The following BMPER variants were observed in gnomAD, a reference collection of about 807,000 sequenced individuals.
BMPER encodes the protein BMP-binding endothelial regulator protein.
A neutral mutation model predicts 87.3 loss-of-function variants in BMPER; 45 were observed. That is an observed-to-expected ratio of 0.52 (90% CI 0.41 to 0.66). BMPER has a LOEUF of 0.66. BMPER is among the 30% of genes least tolerant of loss of function. The probability of loss-of-function intolerance (pLI) is 0.00; values close to 1 mark genes in which losing one functional copy is unlikely to be tolerated. For missense variants in BMPER, 784 were observed against 867.5 expected (o/e 0.90, Z 1.21); for synonymous variants, 326 against 316.2 (o/e 1.03, Z -0.33).
intron 6 of BMPER, among the ~76,000 whole-genome samples, chr7:33,989,287 G>A (rs1304577669): frequency 6.7e-6 from 1 of 148,354 alleles, no homozygotes; most frequent in African/African-American, 2.5e-5. Flanking sequence ...GTTGTTTCCT[G>A]ACTTTTTAAT....
intron 3 of BMPER, among the ~76,000 whole-genome samples, chr7:33,962,371 C>T (rs530378220): frequency 3.7e-4 from 56 of 152,240 alleles, no homozygotes; most frequent in African/African-American, 1.3e-3. Context: ...GGTTTAGGCT[C>T]ATTGTTGTAT....
chr7:34,064,055 C>T (rs1159190299), intron 11 of BMPER, among the ~76,000 whole-genome samples: 1 of 152,216 alleles, frequency 6.6e-6, no homozygotes, highest in Non-Finnish European at 1.5e-5. Context: ...AATCGGGAGG[C>T]CGAGGAGGGC....
intron 3 of BMPER, among the ~76,000 whole-genome samples, chr7:33,949,948 C>A (rs1395750642): frequency 6.6e-6 from 1 of 152,062 alleles, no homozygotes; most frequent in Admixed American, 6.5e-5. Context: ...ACCTTGTTAA[C>A]ATTAAAATCA....
intron 7 of BMPER, among the ~76,000 whole-genome samples, chr7:34,051,184 T>C (rs1562711380): frequency 6.6e-6 from 1 of 152,172 alleles, no homozygotes; most frequent in African/African-American, 2.4e-5. Flanking sequence ...TCATGAGAGC[T>C]TTGCTCTCCT....
intron 6 of BMPER, among the ~76,000 whole-genome samples, chr7:34,026,911 C>G (rs1167586724): frequency 1.3e-5 from 2 of 152,056 alleles, no homozygotes; most frequent in African/African-American, 4.8e-5. Context: ...TTTGATGGCC[C>G]ATATTTGGCT....
At chr7:34,039,603 TACACACACACACACACAC>T (rs56214614) in intron 6 of BMPER, among the ~76,000 whole-genome samples, 6 of 142,688 alleles carry the variant, frequency 4.2e-5, no homozygotes, top group South Asian at 4.6e-4. Flanking sequence ...GACACACAAA[TACACACACACACACACAC>T]ACACACACAC....
At chr7:34,080,691 AG>A (rs2127974785) in intron 12 of BMPER, among the ~76,000 whole-genome samples, 1 of 152,334 alleles carries the variant, frequency 6.6e-6, no homozygotes, top group Non-Finnish European at 1.5e-5. Flanking sequence ...ACTAATTAAA[AG>A]CACCTTGACT....
intron 6 of BMPER, among the ~76,000 whole-genome samples, chr7:34,024,174 A>G (rs2127947332): frequency 6.6e-6 from 1 of 150,800 alleles, no homozygotes; most frequent in East Asian, 2.0e-4. Flanking sequence ...TCTGATCAAC[A>G]TGGTGAAACC....
At chr7:34,101,148 A>G (rs1789671547) in intron 13 of BMPER, among the ~76,000 whole-genome samples, 1 of 152,194 alleles carries the variant, frequency 6.6e-6, no homozygotes, top group African/African-American at 2.4e-5. Context: ...GTTTAGTCCA[A>G]ATGCTTCCAC....
intron 6 of BMPER, among the ~76,000 whole-genome samples, chr7:33,991,792 G>A (rs375454334): frequency 0.015 from 2,232 of 147,262 alleles, 49 homozygotes; most frequent in African/African-American, 0.05. Context: ...CTTTGAATGC[G>A]TCCCAGAGAT....
chr7:34,134,492 A>T (rs1790670910), intron 13 of BMPER, among the ~76,000 whole-genome samples: 1 of 152,100 alleles, frequency 6.6e-6, no homozygotes, highest in Non-Finnish European at 1.5e-5. Context: ...TTATCTCTAG[A>T]AGAGTGACAA....
intron 6 of BMPER, among the ~76,000 whole-genome samples, chr7:34,003,746 A>G (rs964093366): frequency 2.0e-5 from 3 of 152,052 alleles, no homozygotes; most frequent in Non-Finnish European, 2.9e-5. Flanking sequence ...CAGTTTGAAT[A>G]TGTTCTGTCC....
chr7:34,096,881 T>C (rs1585830381), intron 13 of BMPER, among the ~76,000 whole-genome samples: 4 of 152,272 alleles, frequency 2.6e-5, no homozygotes, highest in Admixed American at 2.0e-4. Flanking sequence ...AAAAAGAGCA[T>C]AGATTCTTTT....
chr7:34,031,909 TATATATATATATATATATACACACAC>T (rs1787527907), intron 6 of BMPER, among the ~76,000 whole-genome samples: 1 of 125,294 alleles, frequency 8.0e-6, no homozygotes, highest in African/African-American at 3.1e-5. Flanking sequence ...TATATATATA[TATATATATATATATATATACACACAC>T]ACACACACAT....
chr7:34,092,427 C>T (rs1789411868), intron 13 of BMPER, among the ~76,000 whole-genome samples: 1 of 152,222 alleles, frequency 6.6e-6, no homozygotes, highest in Non-Finnish European at 1.5e-5. Context: ...CCCTGACTCT[C>T]TCAGTTTGCC....
intron 2 of BMPER, among the ~76,000 whole-genome samples, chr7:33,935,300 G>T (rs1004704323): frequency 3.9e-5 from 6 of 152,036 alleles, no homozygotes; most frequent in African/African-American, 1.5e-4. Context: ...TCCCAGCTCA[G>T]CCCCAGTGGC....
At chr7:34,110,510 T>C (rs180973300) in intron 13 of BMPER, among the ~76,000 whole-genome samples, 1 of 152,342 alleles carries the variant, frequency 6.6e-6, no homozygotes, top group African/African-American at 2.4e-5. Flanking sequence ...GCTGGCCTGC[T>C]GGTCTGGAAT....
At chr7:34,086,465 C>T (rs114408196) in intron 13 of BMPER, among the ~76,000 whole-genome samples, 221 of 152,332 alleles carry the variant, frequency 1.5e-3, no homozygotes, top group African/African-American at 4.5e-3. Flanking sequence ...TTCCCCTAAA[C>T]GGAATCTCAA....
rs780954320 is a variant in BMPER at position 34,143,234 on chromosome 7, T to C, written c.1750T>C (p.Cys584Arg). 1 of 1,614,046 alleles carries C rather than the reference T, an allele frequency of 6.2e-7. No individual in the cohort carries two copies. Among genetic ancestry groups the C allele is most frequent in the Non-Finnish European group, 8.5e-7 (1 of 1,179,916 alleles). Residue 584 changes from cysteine to arginine, a missense_variant, in exon 14 of 15, where the codon TGT (cysteine) becomes CGT (arginine). Coordinates refer to ENST00000649409, the MANE Select transcript of BMPER (RefSeq NM_001365308.1). ...TVDYATFYRS[C>R]VTDMCECPVH... ...TCTCTCTTTTGGGTCCTATAGGTCC[T>C]GTGTGACAGACATGTGTGAATGTCC...
Sources: allele counts gnomAD v4.1 joint callset (sites outside exome capture counted in the v4.1 genomes callset), GRCh38; gene constraint gnomAD v4.1.1; transcripts MANE v1.5; gene names NCBI Gene and HGNC (gene_info 2026-07-23, HGNC 2026-07-21).